The following CCDC7 variants were observed in gnomAD, a reference collection of about 807,000 sequenced individuals.
The protein encoded by CCDC7 is coiled-coil domain containing 7.
In CCDC7, 183 loss-of-function variants were observed where a neutral mutation model predicts 196.9. The observed-to-expected ratio is 0.93, with a 90% CI of 0.82 to 1.05. The LOEUF (loss-of-function observed/expected upper bound fraction) is 1.05. Among genes scored for constraint, CCDC7 ranks in the 50% least tolerant of loss-of-function variants. The pLI is 0.00. For synonymous variants in CCDC7, 525 were observed against 484.6 expected, an observed-to-expected ratio of 1.08 and a Z score of -1.10; for missense variants, 1,540 against 1,482.2, an observed-to-expected ratio of 1.04 and a Z score of -0.64.
chr10:32,544,390 T>C, intron 13 of CCDC7, 89 bp downstream of exon 14: 1 of 1,344,550 alleles, frequency 7.4e-7, no homozygotes, highest in South Asian at 1.5e-5. Flanking sequence ...CGTATGTGAT[T>C]ATAGGGTATA....
At chr10:32,543,797 T>C (rs1484255716) in intron 12 of CCDC7, among the ~76,000 whole-genome samples, 2 of 152,080 alleles carry the variant, frequency 1.3e-5, no homozygotes, top group Non-Finnish European at 2.9e-5. Context: ...TGTGTATGTG[T>C]ATTATTATAA....
At chr10:32,459,173 A>G (rs1210433803) in intron 3 of CCDC7, among the ~76,000 whole-genome samples, 3 of 152,182 alleles carry the variant, frequency 2.0e-5, no homozygotes, top group Non-Finnish European at 4.4e-5. Context: ...ATTAATTCTA[A>G]GAAGTTTTTG....
intron 9 of CCDC7, among the ~76,000 whole-genome samples, chr10:32,501,157 C>A (rs544816258): frequency 1.3e-5 from 2 of 151,906 alleles, no homozygotes; most frequent in African/African-American, 4.8e-5. Flanking sequence ...TCCTTTCTTC[C>A]GCTTGATCAA....
At chr10:32,767,674 G>A (rs73243840) in intron 28 of CCDC7, among the ~76,000 whole-genome samples, 6,935 of 152,090 alleles carry the variant, frequency 0.046, 537 homozygotes, top group African/African-American at 0.16. Context: ...CTGCAAAGAC[G>A]CATAAAGACC....
intron 9 of CCDC7, among the ~76,000 whole-genome samples, chr10:32,499,718 T>G (rs1045854793): frequency 6.6e-6 from 1 of 151,986 alleles, no homozygotes; most frequent in Non-Finnish European, 1.5e-5. Flanking sequence ...GTGAACAAAG[T>G]TCTCTGGTTT....
chr10:32,753,327 C>A (rs1272447383), intron 28 of CCDC7, among the ~76,000 whole-genome samples: 3 of 151,972 alleles, frequency 2.0e-5, no homozygotes, highest in Admixed American at 6.5e-5. Flanking sequence ...AGATATTAAA[C>A]AAACCAGTTT....
chr10:32,626,776 T>C (rs1250509216), intron 18 of CCDC7, among the ~76,000 whole-genome samples: 1 of 152,018 alleles, frequency 6.6e-6, no homozygotes, highest in Non-Finnish European at 1.5e-5. Context: ...CATGTGAGTA[T>C]CCAATTTTCC....
Position 32,814,243 on chromosome 10 carries a change from C to A in CCDC7, c.3098-127C>A. On this transcript the variant is annotated intron_variant, in intron 30 of 41. Coordinates refer to ENST00000639629, the Ensembl canonical transcript of CCDC7. ...AAAGTGCTGGGATTACAGGCGTGAG[C>A]CACCGTGCCCAGCCACAAATATTTT... 6.0e-6 allele frequency: 4 copies of A among 662,210 alleles called. No individual in the cohort carries two copies. In the South Asian group the frequency reaches 7.0e-5, roughly 12 times the overall value. 41.0% of individuals were successfully genotyped at this position (662,210 alleles called of 1,614,324 possible).
Position 32,572,682 on chromosome 10 carries a change from T to G in CCDC7, c.1454+789T>G, listed in dbSNP as rs1226520534. Among the ~76,000 whole-genome samples the G allele has an allele frequency of 1.3e-5, 2 of 152,118 alleles. 1 individual carries two copies. The highest frequency in any genetic ancestry group is 2.9e-5 in the Non-Finnish European group (2 of 68,020). ...AAGAGAAAATTAGACGTTGGTCCACTTGTTGCTTTGCAAACTTATAATGGT... is the reference window on the plus strand; with the variant it reads ...AAGAGAAAATTAGACGTTGGTCCACGTGTTGCTTTGCAAACTTATAATGGT... On this transcript the variant is annotated intron_variant, in intron 16 of 41. Coordinates refer to ENST00000639629, the Ensembl canonical transcript of CCDC7.
chr10:32,845,957 G>A (rs1343929456), exon 36 of CCDC7: 27 of 1,606,186 alleles, frequency 1.7e-5, no homozygotes, highest in African/African-American at 4.0e-5. Context: ...AAGAGTCACC[G>A]AGGTAAGAGA....
At chr10:32,779,147 G>C in intron 29 of CCDC7, 63 bp downstream of exon 30, 1 of 1,212,648 alleles carries the variant, frequency 8.2e-7, no homozygotes, top group Non-Finnish European at 1.1e-6. Flanking sequence ...TATTTCAACT[G>C]TATAGTTCTG....
intron 17 of CCDC7, among the ~76,000 whole-genome samples, chr10:32,583,901 A>G (rs74540250): frequency 0.039 from 5,893 of 152,124 alleles, 120 homozygotes; most frequent in Middle Eastern, 0.051. Flanking sequence ...TCTAAAGATT[A>G]AAACAGACTA....
chr10:32,719,711 G>A lies in CCDC7; in HGVS notation c.2570-7023G>A, dbSNP rs548529230. Among the ~76,000 whole-genome samples the A allele has an allele frequency of 8.5e-5, 13 of 152,172 alleles. No homozygotes were observed. The South Asian group carries it at 2.7e-3, about 32-fold the overall frequency. On this transcript the variant is annotated intron_variant, in intron 25 of 41. Coordinates refer to ENST00000639629, the Ensembl canonical transcript of CCDC7. ...CAACCTAATCAAAAAGTGGGTGAAG[G>A]ATATGAACAGGCACTTTTCAAAAGA...
chr10:32,750,366 A>G (rs920613800), intron 28 of CCDC7, among the ~76,000 whole-genome samples: 2 of 152,202 alleles, frequency 1.3e-5, no homozygotes, highest in Non-Finnish European at 2.9e-5. Flanking sequence ...AGGGGTGTCC[A>G]GCAAAAACAT....
intron 15 of CCDC7, among the ~76,000 whole-genome samples, chr10:32,571,569 C>T (rs1038230668): frequency 6.6e-6 from 1 of 152,058 alleles, no homozygotes; most frequent in African/African-American, 2.4e-5. Context: ...TACTCTGTTG[C>T]TCTAATAAAC....
chr10:32,878,547 G>A (rs1461746696), downstream of CCDC7, among the ~76,000 whole-genome samples: 5 of 152,032 alleles, frequency 3.3e-5, no homozygotes, highest in African/African-American at 1.2e-4. Context: ...ACTCTAATTA[G>A]CTCAAATTAG....
At chr10:32,845,601 C>T (rs201292623) in exon 35 of CCDC7, 16 of 1,612,212 alleles carry the variant, frequency 9.9e-6, no homozygotes, top group Non-Finnish European at 1.3e-5. Context: ...AGGAGTCAAC[C>T]ACGACACAAT....
chr10:32,825,392 G>C (rs1377672505), intron 32 of CCDC7, among the ~76,000 whole-genome samples: 1 of 152,180 alleles, frequency 6.6e-6, no homozygotes, highest in African/African-American at 2.4e-5. Context: ...AGCATGGCTA[G>C]AATATAAAGC....
Position 32,568,006 on chromosome 10 carries a change from GTTTT to G in CCDC7, c.1419+131_1419+134del. 6.0e-5 allele frequency: 36 copies of G among 597,920 alleles called. 1 individual carries two copies. Among genetic ancestry groups the G allele is most frequent in the Admixed American group, 7.8e-5 (1 of 12,740 alleles). The allele number at this position is 597,920 out of a possible 1,614,324, so 37.0% of individuals were successfully genotyped here. ...TAAAAATTCATGCCTCTGTTTTTGG[GTTTT>G]TTTTTTTTTTTTTTTGAGATGGAGT... is the stretch of plus-strand genomic sequence containing the variant. On this transcript the variant is annotated intron_variant, in intron 15 of 41. Transcript: ENST00000639629.
Sources: gnomAD v4.1 joint callset for allele counts (sites outside exome capture counted in the v4.1 genomes callset) on GRCh38, gnomAD v4.1.1 for gene constraint, MANE v1.5 for transcripts, NCBI Gene and HGNC (gene_info 2026-07-23, HGNC 2026-07-21) for gene names.